Variants in PSD3 observed in about 807,000 individuals in gnomAD.
PSD3 encodes PH and SEC7 domain-containing protein 3.
A neutral mutation model predicts 105.5 loss-of-function variants in PSD3; 49 were observed. That is an observed-to-expected ratio of 0.46 (90% CI 0.37 to 0.59). The LOEUF (loss-of-function observed/expected upper bound fraction) is 0.59, where lower values mean the gene tolerates loss of function less well. PSD3 is among the 20% of genes least tolerant of loss of function. The pLI, the probability that PSD3 is intolerant of heterozygous loss-of-function variation, is 0.00. For synonymous variants in PSD3, 557 were observed against 457.8 expected, an observed-to-expected ratio of 1.22 and a Z score of -2.77; for missense variants, 1,561 against 1,263.8, an observed-to-expected ratio of 1.24 and a Z score of -3.57.
intron 1 of PSD3, among the ~76,000 whole-genome samples, chr8:18,965,117 A>T (rs1391988547): frequency 6.6e-6 from 1 of 152,212 alleles, no homozygotes; most frequent in East Asian, 1.9e-4. Context: ...TATAGTTTAA[A>T]ATTATATTTC....
At chr8:18,577,085 G>A (rs974380326) in intron 12 of PSD3, among the ~76,000 whole-genome samples, 2 of 151,972 alleles carry the variant, frequency 1.3e-5, no homozygotes, top group African/African-American at 2.4e-5. Context: ...GGGTTACACT[G>A]TGTAGCAGAG....
chr8:18,874,503 T>C (rs897057734), intron 2 of PSD3, among the ~76,000 whole-genome samples: 1 of 151,916 alleles, frequency 6.6e-6, no homozygotes, highest in African/African-American at 2.4e-5. Context: ...GCTACAACCT[T>C]CCTATTTAGT....
At chr8:18,733,771 C>T (rs1253369669) in intron 9 of PSD3, 1 of 152,606 alleles carries the variant, frequency 6.6e-6, no homozygotes, top group Non-Finnish European at 1.5e-5. Flanking sequence ...GATGTTAATC[C>T]TCAACTAACA....
intron 9 of PSD3, among the ~76,000 whole-genome samples, chr8:18,708,563 T>C (rs189774655): frequency 1.3e-5 from 2 of 152,248 alleles, no homozygotes; most frequent in African/African-American, 4.8e-5. Context: ...TTCCAAAAGT[T>C]TTTACTCTAA....
At position 18,895,583 on chromosome 8, in the gene PSD3, A is replaced by T. The variant is rs563157858; in HGVS notation, c.131-22850T>A. ...AATCCACTCTAAGCAAGTTTGCTAG[A>T]TTAATTTTCCTATAGCACTTTTCCT... On this transcript the variant is annotated intron_variant, in intron 2 of 15. Coordinates refer to ENST00000327040, the MANE Select transcript of PSD3 (RefSeq NM_015310.4). 2.9e-3 allele frequency among the ~76,000 whole-genome samples: 445 copies of T among 152,366 alleles called. 1 individual carries two copies. The highest frequency in any genetic ancestry group is 5.2e-3 in the Non-Finnish European group (352 of 68,042).
At chr8:18,950,209 T>G (rs951810581) in intron 1 of PSD3, among the ~76,000 whole-genome samples, 2 of 152,230 alleles carry the variant, frequency 1.3e-5, no homozygotes, top group Non-Finnish European at 2.9e-5. Context: ...AGACACAAAC[T>G]ATTCGTTGAA....
chr8:18,762,928 T>G (rs1307834934), intron 9 of PSD3: 1 of 1,282,366 alleles, frequency 7.8e-7, no homozygotes, highest in Non-Finnish European at 1.0e-6. Context: ...TAACTGTTTA[T>G]TTTATGGAGA....
At chr8:18,870,922 G>T (rs943297485) in intron 3 of PSD3, among the ~76,000 whole-genome samples, 3 of 152,014 alleles carry the variant, frequency 2.0e-5, no homozygotes, top group African/African-American at 7.2e-5. Context: ...AACAAAGTGG[G>T]ACCCCATCTC....
chr8:18,923,194 G>GAA (rs35182969), intron 2 of PSD3, among the ~76,000 whole-genome samples: 1 of 150,618 alleles, frequency 6.6e-6, no homozygotes, highest in East Asian at 1.9e-4. Flanking sequence ...GATGAGCTTT[G>GAA]AAAAAAAAAC....
chr8:18,722,690 A>G (rs1354578712), intron 9 of PSD3, among the ~76,000 whole-genome samples: 2 of 152,138 alleles, frequency 1.3e-5, no homozygotes, highest in African/African-American at 4.8e-5. Flanking sequence ...AGAAGAAGCA[A>G]TAATGGATGA....
chr8:18,769,364 T>A (rs1428512164), intron 8 of PSD3, among the ~76,000 whole-genome samples: 1 of 152,214 alleles, frequency 6.6e-6, no homozygotes, highest in African/African-American at 2.4e-5. Context: ...ATTAATAAAC[T>A]TCTTTGTAAA....
chr8:18,859,541 A>G (rs530207385), intron 4 of PSD3, among the ~76,000 whole-genome samples: 7 of 152,316 alleles, frequency 4.6e-5, no homozygotes, highest in African/African-American at 1.4e-4. Flanking sequence ...TTTCCAATAG[A>G]TGGCTATTTG....
At chr8:18,958,555 T>C (rs1823720505) in intron 1 of PSD3, among the ~76,000 whole-genome samples, 1 of 152,146 alleles carries the variant, frequency 6.6e-6, no homozygotes, top group African/African-American at 2.4e-5. Flanking sequence ...AATGCAAAAA[T>C]CTTAAGATAT....
chr8:18,789,173 G>C (rs746987604), intron 8 of PSD3, among the ~76,000 whole-genome samples: 2 of 152,104 alleles, frequency 1.3e-5, no homozygotes, highest in African/African-American at 4.8e-5. Flanking sequence ...TTCTCAAAGC[G>C]TTTCAGAGAT....
At chr8:18,937,263 A>G (rs557016145) in intron 1 of PSD3, among the ~76,000 whole-genome samples, 1 of 152,176 alleles carries the variant, frequency 6.6e-6, no homozygotes, top group Non-Finnish European at 1.5e-5. Context: ...CCTCTTTACT[A>G]TGAACCTAAA....
intron 11 of PSD3, among the ~76,000 whole-genome samples, chr8:18,605,666 A>C (rs1205475012): frequency 6.6e-6 from 1 of 152,118 alleles, no homozygotes; most frequent in Non-Finnish European, 1.5e-5. Flanking sequence ...CTGTGTCCCC[A>C]CCCAAATCTC....
chr8:18,632,890 T>C, intron 10 of PSD3, 84 bp from the exon 11 acceptor site: 16 of 1,080,334 alleles, frequency 1.5e-5, no homozygotes, highest in Non-Finnish European at 1.8e-5. Flanking sequence ...AAAAACTACA[T>C]TGTATTCCAA....
rs1039147524 is a variant in PSD3 at position 18,534,013 on chromosome 8, T to C, written c.*1730A>G. ...GTAAGCCTTCTCTGGGCAATAGTCATGGACATTTACAGAGGGGAAGGAAGT... is the reference window on the plus strand; with the variant it reads ...GTAAGCCTTCTCTGGGCAATAGTCACGGACATTTACAGAGGGGAAGGAAGT... On this transcript the variant is annotated 3_prime_UTR_variant, in exon 16 of 16. Coordinates refer to ENST00000327040, the MANE Select transcript of PSD3 (RefSeq NM_015310.4). The C allele has an allele frequency of 6.6e-6, 1 of 152,064 alleles. No individual in the cohort carries two copies. The highest frequency in any genetic ancestry group is 6.6e-5 in the Admixed American group (1 of 15,250). The allele number at this position is 152,064 out of a possible 1,614,324, so 9.4% of individuals were successfully genotyped here. A position where few individuals can be genotyped will look rare whatever the true frequency, so the allele number is the denominator to read the frequency against.
intron 11 of PSD3, among the ~76,000 whole-genome samples, chr8:18,619,161 C>T (rs1805923141): frequency 2.0e-5 from 3 of 152,188 alleles, no homozygotes; most frequent in Admixed American, 1.3e-4. Flanking sequence ...ACTGCATGGA[C>T]CCCCTCTTGA....
Sources: allele counts gnomAD v4.1 joint callset (sites outside exome capture counted in the v4.1 genomes callset), GRCh38; gene constraint gnomAD v4.1.1; transcripts MANE v1.5; gene names NCBI Gene and HGNC (gene_info 2026-07-23, HGNC 2026-07-21).